Variants in GMEB2 observed in about 807,000 individuals in gnomAD.
GMEB2 encodes glucocorticoid modulatory element binding protein 2.
GMEB2 carries 7 observed loss-of-function variants against 45.7 expected under a neutral mutation model. The ratio of observed to expected loss-of-function variants is 0.15; its 90% CI spans 0.09 to 0.29. The LOEUF is 0.29. GMEB2 is among the 10% of genes least tolerant of loss of function. The probability of loss-of-function intolerance (pLI) is 1.00; values close to 1 mark genes in which losing one functional copy is unlikely to be tolerated. For synonymous variants in GMEB2, 322 were observed against 323.6 expected (o/e 1.00, Z 0.05); for missense variants, 582 against 739.2 (o/e 0.79, Z 2.47).
chr20:63,592,432 A>C lies in GMEB2; in HGVS notation c.829+101T>G. On this transcript the variant is annotated intron_variant, in intron 8 of 9. Transcript: ENST00000370077. This position sits in a 1 kb window ranked among gnomAD's most constrained non-coding sequence, Gnocchi z 8.2. ...CAAGCCTAGATTCAGCCTCCAACCCAGCAGCACAGAAGGGCCTAGGGGCAG... is the reference window on the plus strand; with the variant it reads ...CAAGCCTAGATTCAGCCTCCAACCCCGCAGCACAGAAGGGCCTAGGGGCAG... 2 of 895,240 alleles carry C rather than the reference A, an allele frequency of 2.2e-6. No homozygotes were observed. The highest frequency in any genetic ancestry group is 3.4e-6 in the Non-Finnish European group (2 of 583,932). The allele number at this position is 895,240 out of a possible 1,614,324, so 55.5% of individuals were successfully genotyped here. A position where few individuals can be genotyped will look rare whatever the true frequency, so the allele number is the denominator to read the frequency against.
In GMEB2 at chr20:63,588,681, T is replaced by C. The variant is rs2083115932; in HGVS notation, c.*1408A>G. The C allele has an allele frequency of 2.5e-6, 1 of 398,028 alleles. No homozygotes were observed. The highest frequency in any genetic ancestry group is 4.4e-6 in the Non-Finnish European group (1 of 226,078). 24.7% of individuals were successfully genotyped at this position (398,028 alleles called of 1,614,324 possible). A position where few individuals can be genotyped will look rare whatever the true frequency, so the allele number is the denominator to read the frequency against. ...GCCAGTTCCCTTCGGAGCAGTGAAG[T>C]GGGACACAGGACCCTCGCATTGCGG... On this transcript the variant is annotated 3_prime_UTR_variant, in exon 10 of 10. Transcript: ENST00000370077.
chr20:63,600,782 G>A (rs1287757007), intron 4 of GMEB2, among the ~76,000 whole-genome samples: 1 of 146,852 alleles, frequency 6.8e-6, no homozygotes, highest in African/African-American at 2.5e-5. Flanking sequence ...TCTTCACCTT[G>A]ACGTTTTTGG....
At chr20:63,626,559 C>T (rs1208634375) in intron 1 of GMEB2, among the ~76,000 whole-genome samples, 3 of 116,044 alleles carry the variant, frequency 2.6e-5, no homozygotes, top group Admixed American at 1.7e-4. Context: ...CGCGTGGTGG[C>T]CCCTGCGGGT....
Position 63,606,378 on chromosome 20 carries a change from C to T in GMEB2, c.132-1538G>A, listed in dbSNP as rs537511710. Reference sequence around the variant, plus strand: ...TTTTTTTTTTTTTGAGACGGAGTCTCGCTCTGTCGCTCAGGCTGGAGTGCA... The same window carrying T: ...TTTTTTTTTTTTTGAGACGGAGTCTTGCTCTGTCGCTCAGGCTGGAGTGCA... On this transcript the variant is annotated intron_variant, in intron 2 of 9. Transcript: ENST00000370077. Among the ~76,000 whole-genome samples, 482 of 143,060 alleles carry T rather than the reference C, an allele frequency of 3.4e-3. 4 individuals carry two copies. The highest frequency in any genetic ancestry group is 0.012 in the African/African-American group (451 of 38,862). The allele number at this position is 143,060 out of a possible 152,430, so 93.9% of individuals were successfully genotyped here.
chr20:63,606,942 G>A (rs951066524), intron 2 of GMEB2, among the ~76,000 whole-genome samples: 3 of 152,316 alleles, frequency 2.0e-5, no homozygotes, highest in African/African-American at 7.2e-5. Context: ...TGGGATGGTG[G>A]TGCCGGCCCA....
rs770413611 is a variant in GMEB2, at chr20:63,592,188, C to T, written c.830-44G>A. On this transcript the variant is annotated intron_variant, in intron 8 of 9. Transcript: ENST00000370077. The surrounding 1 kb of genome is among the most constrained non-coding windows in gnomAD (Gnocchi z 8.2). Reference sequence around the variant, plus strand: ...CACTCAGTGAGAGCCCAAGCCCTTCCTAGAGAGCCACGCGGACGCTCGGTG... The same window carrying T: ...CACTCAGTGAGAGCCCAAGCCCTTCTTAGAGAGCCACGCGGACGCTCGGTG... 6 of 1,590,302 alleles carry T rather than the reference C, an allele frequency of 3.8e-6. No individual in the cohort carries two copies. Among genetic ancestry groups the T allele is most frequent in the African/African-American group, 1.3e-5 (1 of 74,410 alleles).
intron 1 of GMEB2, among the ~76,000 whole-genome samples, chr20:63,626,754 C>T (rs914528194): frequency 6.8e-6 from 1 of 146,954 alleles, no homozygotes; most frequent in Non-Finnish European, 1.5e-5. Flanking sequence ...CCGCCGCCCG[C>T]GCCCGCCACC....
intron 2 of GMEB2, among the ~76,000 whole-genome samples, chr20:63,610,892 C>T (rs549705008): frequency 1.3e-5 from 2 of 152,188 alleles, no homozygotes; most frequent in East Asian, 1.9e-4. Flanking sequence ...CGAGGCCCTA[C>T]GAGGACTCTG....
intron 3 of GMEB2, 68 bp downstream of exon 3, chr20:63,604,675 T>C (rs2089504236): frequency 1.1e-6 from 1 of 869,602 alleles, no homozygotes; most frequent in African/African-American, 1.6e-5. Flanking sequence ...TTCCTCATTT[T>C]GAGTGCAGGA....
At chr20:63,615,933 G>A (rs2089605267) in intron 2 of GMEB2, among the ~76,000 whole-genome samples, 1 of 152,150 alleles carries the variant, frequency 6.6e-6, no homozygotes. Context: ...CAGAACATCT[G>A]GAAAGATCTA....
At chr20:63,626,036 G>C (rs915772350) in intron 1 of GMEB2, among the ~76,000 whole-genome samples, 5 of 152,256 alleles carry the variant, frequency 3.3e-5, no homozygotes, top group African/African-American at 1.2e-4. Context: ...AGTCACGCAT[G>C]AATTACACAG....
chr20:63,589,429 T>C lies in GMEB2; in HGVS notation c.*660A>G. 1 of 361,862 alleles carries C rather than the reference T, an allele frequency of 2.8e-6. No homozygotes were observed. The highest frequency in any genetic ancestry group is 2.1e-5 in the African/African-American group (1 of 48,044). 22.4% of individuals were successfully genotyped at this position (361,862 alleles called of 1,614,324 possible). A position where few individuals can be genotyped will look rare whatever the true frequency, so the allele number is the denominator to read the frequency against. On this transcript the variant is annotated 3_prime_UTR_variant, in exon 10 of 10. Transcript: ENST00000370077. The stretch of plus-strand genomic sequence containing the variant: ...TGTGCAACAATGCCTGGACCACGCC[T>C]CGTCTGTGCGGCCCCTGGGCCACCT...
chr20:63,590,034 C>T lies in GMEB2; in HGVS notation c.*55G>A, dbSNP rs891633344. ...GCGGCCTCTGCCCGCTCCCTGCTGC[C>T]GCGGCTGAGAGACAGCCAGCCCTGT... On this transcript the variant is annotated 3_prime_UTR_variant, in exon 10 of 10. Transcript: ENST00000370077. 6.2e-6 allele frequency: 9 copies of T among 1,450,520 alleles called. No homozygotes were observed. Among genetic ancestry groups the T allele is most frequent in the Middle Eastern group, 2.4e-4 (1 of 4,238 alleles). 89.9% of individuals were successfully genotyped at this position (1,450,520 alleles called of 1,614,324 possible). A position where few individuals can be genotyped will look rare whatever the true frequency, so the allele number is the denominator to read the frequency against.
chr20:63,598,778 C>T (rs2083219472), intron 4 of GMEB2, among the ~76,000 whole-genome samples: 1 of 152,196 alleles, frequency 6.6e-6, no homozygotes, highest in African/African-American at 2.4e-5. Context: ...AGGTGGAATC[C>T]AGAAGATTCT....
chr20:63,611,185 C>T (rs551263795), intron 2 of GMEB2, among the ~76,000 whole-genome samples: 45 of 152,358 alleles, frequency 3.0e-4, no homozygotes, highest in African/African-American at 1.0e-3. Context: ...CACACAGCAC[C>T]GCCTCTGCGT....
At position 63,592,226 on chromosome 20, in the gene GMEB2, C is replaced by A; in HGVS notation, c.830-82G>T. The A allele has an allele frequency of 7.3e-7, 1 of 1,367,742 alleles. No individual in the cohort carries two copies. The highest frequency in any genetic ancestry group is 1.0e-6 in the Non-Finnish European group (1 of 992,076). 84.7% of individuals were successfully genotyped at this position (1,367,742 alleles called of 1,614,324 possible). The stretch of plus-strand genomic sequence containing the variant: ...CGGACGCTCGGTGAGAGCCCGGGAC[C>A]TTCCTAGAGAGTCACGTGGACGCTC... On this transcript the variant is annotated intron_variant, in intron 8 of 9. Coordinates refer to ENST00000370077, the MANE Select transcript of GMEB2 (RefSeq NM_012384.5). The surrounding 1 kb of genome is among the most constrained non-coding windows in gnomAD (Gnocchi z 8.2).
intron 2 of GMEB2, among the ~76,000 whole-genome samples, chr20:63,606,870 G>A (rs991448280): frequency 4.6e-5 from 7 of 152,166 alleles, no homozygotes; most frequent in Admixed American, 1.3e-4. Context: ...AGTACATGAG[G>A]CCACTTTCCC....
chr20:63,617,227 C>T (rs992519099), intron 2 of GMEB2, among the ~76,000 whole-genome samples: 2 of 152,136 alleles, frequency 1.3e-5, no homozygotes, highest in Admixed American at 6.5e-5. Flanking sequence ...CTGTCTCCCT[C>T]GGCCTCCTGC....
At chr20:63,610,744 G>A (rs78774341) in intron 2 of GMEB2, among the ~76,000 whole-genome samples, 5 of 152,308 alleles carry the variant, frequency 3.3e-5, no homozygotes, top group East Asian at 3.9e-4. Flanking sequence ...GAGCCTTGGC[G>A]TCCTGGCAAA....
Sources: gnomAD v4.1 joint callset for allele counts (sites outside exome capture counted in the v4.1 genomes callset) on GRCh38, gnomAD v4.1.1 for gene constraint, Gnocchi (gnomAD v3.1) non-coding constraint, MANE v1.5 for transcripts, NCBI Gene and HGNC (gene_info 2026-07-23, HGNC 2026-07-21) for gene names.